RAI1: variants seen among roughly 807,000 people sequenced by gnomAD.
The protein encoded by RAI1 is retinoic acid induced 1.
Under a neutral mutation model 123.8 loss-of-function variants are expected in RAI1, and 9 were observed. The ratio of observed to expected loss-of-function variants is 0.07; its 90% CI spans 0.04 to 0.13. RAI1 has a LOEUF of 0.13. RAI1 is among the 10% of genes least tolerant of loss of function. RAI1 has a pLI of 1.00. For missense variants in RAI1, 2,256 were observed against 2,545.8 expected, an observed-to-expected ratio of 0.89 and a Z score of 2.45; for synonymous variants, 1,231 against 1,127.3, an observed-to-expected ratio of 1.09 and a Z score of -1.84.
chr17:17,682,338 C>G (rs943612772), intron 1 of RAI1, among the ~76,000 whole-genome samples: 2 of 150,770 alleles, frequency 1.3e-5, no homozygotes, highest in African/African-American at 4.8e-5. Context: ...CTGCGGTGTC[C>G]CTACCCGGGC....
intron 2 of RAI1, among the ~76,000 whole-genome samples, chr17:17,783,130 GCCT>G (rs2031668400): frequency 6.6e-6 from 1 of 152,110 alleles, no homozygotes; most frequent in African/African-American, 2.4e-5. Flanking sequence ...GTCCAGGGCC[GCCT>G]CCGCCTCATG....
intron 4 of RAI1, among the ~76,000 whole-genome samples, chr17:17,808,404 ATTT>A (rs1161321328): frequency 1.5e-4 from 15 of 103,136 alleles, no homozygotes; most frequent in Non-Finnish European, 2.4e-4. Flanking sequence ...ATTTTATTTT[ATTT>A]TATTTTATTA....
Position 17,795,391 on chromosome 17 carries a change from G to T in RAI1, c.2443G>T (p.Val815Leu), listed in dbSNP as rs762476795. ...GCCCGGGGACTTCAAGCAGGAGGAGGTGGGTGGGGTGAAGGAGGAGGCAGG... is the reference window on the plus strand; with the variant it reads ...GCCCGGGGACTTCAAGCAGGAGGAGTTGGGTGGGGTGAAGGAGGAGGCAGG... ...SLPGDFKQEEVGGVKEEAGGL... is the reference protein window; with the variant it reads ...SLPGDFKQEELGGVKEEAGGL... Residue 815 changes from valine to leucine, a missense_variant, in exon 3 of 6, where the codon GTG (valine) becomes TTG (leucine). Val to Leu is a conservative substitution (Grantham distance 32, BLOSUM62 1). Transcript: ENST00000353383. The surrounding 1 kb of genome is among the most constrained non-coding windows in gnomAD (Gnocchi z 5.9). 93 of 1,592,908 alleles carry T rather than the reference G, an allele frequency of 5.8e-5. No individual in the cohort carries two copies. The highest frequency in any genetic ancestry group is 1.7e-4 in the Middle Eastern group (1 of 5,980).
rs377342940 is a variant in RAI1, at chr17:17,793,143, G to C, written c.195G>C (p.Thr65=). 21 of 1,613,582 alleles carry C rather than the reference G, an allele frequency of 1.3e-5. No individual in the cohort carries two copies. The highest frequency in any genetic ancestry group is 1.8e-5 in the Non-Finnish European group (21 of 1,179,998). ...CGAGCTATGAGGGTGGCGCTGGCAC[G>C]CCCTCTGGCACTGCAGCCGCGGTGG... ...PYPSYEGGAG[T]PSGTAAAVAA... Residue 65 remains threonine (T), a synonymous_variant, in exon 3 of 6, where the codon ACG becomes ACC. Transcript: ENST00000353383.
chr17:17,706,973 C>T (rs565621147), intron 1 of RAI1, among the ~76,000 whole-genome samples: 4 of 152,320 alleles, frequency 2.6e-5, no homozygotes, highest in Admixed American at 1.3e-4. Flanking sequence ...AGACAGACAG[C>T]GATCTCTGCC....
intron 1 of RAI1, among the ~76,000 whole-genome samples, chr17:17,720,992 C>G (rs1016768348): frequency 6.6e-6 from 1 of 152,122 alleles, no homozygotes; most frequent in Non-Finnish European, 1.5e-5. Flanking sequence ...AGCCACCCAC[C>G]ACCATCCCAT....
At chr17:17,763,926 A>G (rs60149982) in intron 2 of RAI1, among the ~76,000 whole-genome samples, 18,364 of 152,266 alleles carry the variant, frequency 0.12, 1,963 homozygotes, top group African/African-American at 0.29. Flanking sequence ...AGACAGAACA[A>G]CAGCCATTAG....
chr17:17,806,453 G>C (rs1189091072), intron 4 of RAI1, among the ~76,000 whole-genome samples: 2 of 152,222 alleles, frequency 1.3e-5, no homozygotes, highest in East Asian at 3.9e-4. Flanking sequence ...TTGATGATGA[G>C]GGAGAGGGAG....
intron 2 of RAI1, among the ~76,000 whole-genome samples, chr17:17,788,866 G>T (rs1054315310): frequency 2.0e-5 from 3 of 152,272 alleles, no homozygotes; most frequent in East Asian, 3.9e-4. Flanking sequence ...TCGCTGACTG[G>T]GGCCTCAAGC....
intron 2 of RAI1, chr17:17,778,067 A>G (rs1191103291): frequency 2.0e-5 from 3 of 152,360 alleles, no homozygotes; most frequent in Non-Finnish European, 4.4e-5. Flanking sequence ...GACCTGCCAC[A>G]CTGGCTTGAC....
At chr17:17,710,507 C>G (rs1567839511) in intron 1 of RAI1, among the ~76,000 whole-genome samples, 1 of 152,206 alleles carries the variant, frequency 6.6e-6, no homozygotes, top group Non-Finnish European at 1.5e-5. Context: ...GCCTGTGAGT[C>G]AGAGGCTGCC....
intron 4 of RAI1, among the ~76,000 whole-genome samples, chr17:17,804,976 C>T (rs2032567759): frequency 6.6e-6 from 1 of 152,172 alleles, no homozygotes; most frequent in Non-Finnish European, 1.5e-5. Context: ...GATTCTCCTG[C>T]CTCAGCCTCT....
At chr17:17,746,326 C>T (rs571367221) in intron 2 of RAI1, among the ~76,000 whole-genome samples, 14 of 152,362 alleles carry the variant, frequency 9.2e-5, no homozygotes, top group South Asian at 4.1e-4. Context: ...TGGGAGCCAA[C>T]GTTATTTTCC....
intron 1 of RAI1, among the ~76,000 whole-genome samples, chr17:17,696,478 A>G (rs1430178674): frequency 1.3e-5 from 2 of 152,168 alleles, no homozygotes; most frequent in East Asian, 3.8e-4. Context: ...ACTTCTGTAT[A>G]TAGCAGTTGA....
intron 1 of RAI1, among the ~76,000 whole-genome samples, chr17:17,701,933 G>A (rs1053218754): frequency 6.6e-6 from 1 of 152,228 alleles, no homozygotes; most frequent in Non-Finnish European, 1.5e-5. Flanking sequence ...TGCCCTCCAA[G>A]GACTCCAGTC....
intron 3 of RAI1, among the ~76,000 whole-genome samples, chr17:17,803,215 G>A (rs1020139787): frequency 7.2e-5 from 11 of 152,044 alleles, no homozygotes; most frequent in Non-Finnish European, 1.6e-4. Context: ...ACTGGCCCAA[G>A]GGGGTCTCCC....
At position 17,810,046 on chromosome 17, in the gene RAI1, G is replaced by A; in HGVS notation, c.*65G>A. The A allele has an allele frequency of 1.3e-6, 2 of 1,540,170 alleles. No homozygotes were observed. The highest frequency in any genetic ancestry group is 8.7e-7 in the Non-Finnish European group (1 of 1,143,374). The stretch of plus-strand genomic sequence containing the variant: ...CTGCCCGCCCGCCGCCGAAGGAGAG[G>A]AGCCGCCTGCGCAGCCCCCGGGCCT... On this transcript the variant is annotated 3_prime_UTR_variant, in exon 6 of 6. Transcript: ENST00000353383. This position sits in a 1 kb window ranked among gnomAD's most constrained non-coding sequence, Gnocchi z 4.6.
intron 2 of RAI1, among the ~76,000 whole-genome samples, chr17:17,783,732 C>T (rs534262841): frequency 6.6e-6 from 1 of 151,804 alleles, no homozygotes; most frequent in Non-Finnish European, 1.5e-5. Context: ...CTGGCCGGGG[C>T]GCCCGGTGAC....
At chr17:17,761,835 A>C (rs2030708949) in intron 2 of RAI1, among the ~76,000 whole-genome samples, 1 of 152,086 alleles carries the variant, frequency 6.6e-6, no homozygotes, top group South Asian at 2.1e-4. Context: ...AGCAGGGAAC[A>C]CAGTTGAGTG....
Sources: allele counts gnomAD v4.1 joint callset (sites outside exome capture counted in the v4.1 genomes callset), GRCh38; gene constraint gnomAD v4.1.1; non-coding constraint Gnocchi (gnomAD v3.1); transcripts MANE v1.5; gene names NCBI Gene and HGNC (gene_info 2026-07-23, HGNC 2026-07-21).